SLC4A10: variants seen among roughly 807,000 people sequenced by gnomAD.
The protein encoded by SLC4A10 is sodium-driven chloride bicarbonate exchanger.
In SLC4A10, 42 loss-of-function variants were observed where a neutral mutation model predicts 137.7. That is an observed-to-expected ratio of 0.30 (90% CI 0.24 to 0.39). The LOEUF is 0.39. Ranked by LOEUF, SLC4A10 falls within the 10% of genes least tolerant of loss-of-function variation. SLC4A10 has a pLI of 1.00. For missense variants in SLC4A10, 925 were observed against 1,355.0 expected (o/e 0.68, Z 4.98); for synonymous variants, 474 against 464.1 (o/e 1.02, Z -0.27).
chr2:161,846,564 A>G (rs560709940), intron 4 of SLC4A10, among the ~76,000 whole-genome samples: 83 of 152,318 alleles, frequency 5.4e-4, no homozygotes, highest in Non-Finnish European at 1.1e-3. Context: ...AAACCTGCAA[A>G]CAACCTGAAT....
At chr2:161,854,170 T>G (rs1048119269) in intron 4 of SLC4A10, among the ~76,000 whole-genome samples, 1 of 152,324 alleles carries the variant, frequency 6.6e-6, no homozygotes, top group East Asian at 1.9e-4. Flanking sequence ...TGAAACTAAA[T>G]TGGTCATCTA....
chr2:161,655,352 TC>T (rs1370192523), intron 1 of SLC4A10, among the ~76,000 whole-genome samples: 1 of 152,202 alleles, frequency 6.6e-6, no homozygotes, highest in African/African-American at 2.4e-5. Flanking sequence ...TGTCTTTATT[TC>T]TTTTTCTTAC....
intron 12 of SLC4A10, among the ~76,000 whole-genome samples, chr2:161,901,674 C>T (rs1307335240): frequency 6.6e-6 from 1 of 151,962 alleles, no homozygotes; most frequent in Non-Finnish European, 1.5e-5. Context: ...TGCTCCCCTC[C>T]CCTCAAGGCC....
At chr2:161,639,569 A>G (rs917986277) in intron 1 of SLC4A10, among the ~76,000 whole-genome samples, 1 of 152,170 alleles carries the variant, frequency 6.6e-6, no homozygotes, top group Non-Finnish European at 1.5e-5. Flanking sequence ...ATAAAATTTA[A>G]TATCCCTTTG....
chr2:161,829,044 A>G (rs1053341833), intron 3 of SLC4A10, among the ~76,000 whole-genome samples: 1 of 151,392 alleles, frequency 6.6e-6, no homozygotes, highest in African/African-American at 2.4e-5. Context: ...TTTTTCTTTT[A>G]CCATATAGTC....
At chr2:161,680,120 G>C (rs191353425) in intron 1 of SLC4A10, among the ~76,000 whole-genome samples, 1 of 151,978 alleles carries the variant, frequency 6.6e-6, no homozygotes, top group East Asian at 1.9e-4. Context: ...AAACCATTTC[G>C]GATCCACCAT....
At chr2:161,765,691 C>A (rs1210544554) in intron 1 of SLC4A10, among the ~76,000 whole-genome samples, 6 of 151,066 alleles carry the variant, frequency 4.0e-5, no homozygotes, top group African/African-American at 9.7e-5. Flanking sequence ...TATGTGTTTT[C>A]TTCCTTACAC....
At chr2:161,950,647 A>G in intron 18 of SLC4A10, 40 bp from the exon 19 acceptor site, 1 of 1,550,130 alleles carries the variant, frequency 6.5e-7, no homozygotes, top group Non-Finnish European at 8.7e-7. Context: ...AGTATTCATT[A>G]ATCCAGTTCA....
At chr2:161,669,036 G>A (rs1001099723) in intron 1 of SLC4A10, among the ~76,000 whole-genome samples, 1 of 151,756 alleles carries the variant, frequency 6.6e-6, no homozygotes, top group Non-Finnish European at 1.5e-5. Flanking sequence ...TTTTATATCT[G>A]CCTCATGTTG....
At chr2:161,692,381 T>C (rs191653679) in intron 1 of SLC4A10, among the ~76,000 whole-genome samples, 4 of 152,238 alleles carry the variant, frequency 2.6e-5, no homozygotes, top group African/African-American at 7.2e-5. Flanking sequence ...TGATTCACTT[T>C]ATTGTGAGAA....
intron 15 of SLC4A10, 91 bp downstream of exon 15, chr2:161,905,978 G>T: frequency 6.9e-7 from 1 of 1,458,140 alleles, no homozygotes; most frequent in Non-Finnish European, 9.1e-7. Context: ...ACTCAGCAGA[G>T]AATGTGCCTT....
chr2:161,860,626 G>GT (rs2125882268), intron 5 of SLC4A10, among the ~76,000 whole-genome samples: 1 of 152,128 alleles, frequency 6.6e-6, no homozygotes, highest in South Asian at 2.1e-4. Flanking sequence ...TAACCCAGGG[G>GT]TATTATAACT....
chr2:161,773,818 A>G (rs895452071), intron 2 of SLC4A10, among the ~76,000 whole-genome samples: 9 of 151,846 alleles, frequency 5.9e-5, no homozygotes, highest in Non-Finnish European at 1.3e-4. Flanking sequence ...GTTTATGTAT[A>G]TCTTGTACAA....
chr2:161,984,767 T>C lies in SLC4A10; in HGVS notation c.*1615T>C, dbSNP rs1395625775. On this transcript the variant is annotated 3_prime_UTR_variant, in exon 27 of 27. Coordinates refer to ENST00000446997, the MANE Select transcript of SLC4A10 (RefSeq NM_001178015.2). The stretch of plus-strand genomic sequence containing the variant: ...TTTGTATTTATAAATGCTGAAAAAA[T>C]ACAGAAACTTTCTGTTCCAAATGTG... 6.6e-6 allele frequency: 1 copy of C among 152,038 alleles called. No individual in the cohort carries two copies. The highest frequency in any genetic ancestry group is 1.5e-5 in the Non-Finnish European group (1 of 67,928). 9.4% of individuals were successfully genotyped at this position (152,038 alleles called of 1,614,324 possible). A position where few individuals can be genotyped will look rare whatever the true frequency, so the allele number is the denominator to read the frequency against.
At chr2:161,819,245 A>G (rs889953885) in intron 3 of SLC4A10, among the ~76,000 whole-genome samples, 6 of 152,098 alleles carry the variant, frequency 3.9e-5, no homozygotes, top group Admixed American at 6.6e-5. Flanking sequence ...CAAGCCTACC[A>G]TATGTCATGG....
At chr2:161,951,325 C>T (rs950191852) in intron 19 of SLC4A10, among the ~76,000 whole-genome samples, 2 of 152,128 alleles carry the variant, frequency 1.3e-5, no homozygotes, top group South Asian at 2.1e-4. Context: ...CAGACATAAA[C>T]GTCACAGTTT....
At chr2:161,982,133 T>C (rs918994192) in intron 26 of SLC4A10, among the ~76,000 whole-genome samples, 8 of 152,186 alleles carry the variant, frequency 5.3e-5, no homozygotes, top group African/African-American at 1.9e-4. Flanking sequence ...AAGTGTTTCA[T>C]AAATTTATAT....
intron 1 of SLC4A10, among the ~76,000 whole-genome samples, chr2:161,672,146 A>T (rs976703098): frequency 6.6e-6 from 1 of 152,160 alleles, no homozygotes; most frequent in African/African-American, 2.4e-5. Context: ...CAGTTCATTA[A>T]AGACCTGGTG....
At chr2:161,659,960 T>C (rs2038070625) in intron 1 of SLC4A10, among the ~76,000 whole-genome samples, 1 of 151,256 alleles carries the variant, frequency 6.6e-6, no homozygotes, top group African/African-American at 2.4e-5. Context: ...GGCAAATCCA[T>C]AGAGACAGAA....
Sources: gnomAD v4.1 joint callset for allele counts (sites outside exome capture counted in the v4.1 genomes callset) on GRCh38, gnomAD v4.1.1 for gene constraint, MANE v1.5 for transcripts, NCBI Gene and HGNC (gene_info 2026-07-23, HGNC 2026-07-21) for gene names.